The following FBXW11 variants were observed in gnomAD, a reference collection of about 807,000 sequenced individuals.
The protein encoded by FBXW11 is F-box and WD repeat domain containing 11, also known as F-box/WD repeat-containing protein 11.
FBXW11 carries 19 observed loss-of-function variants against 77.6 expected under a neutral mutation model. The ratio of observed to expected loss-of-function variants is 0.24; its 90% CI spans 0.17 to 0.36. The LOEUF (loss-of-function observed/expected upper bound fraction) is 0.36. Among genes scored for constraint, FBXW11 ranks in the 10% least tolerant of loss-of-function variants. The pLI is 1.00. For synonymous variants in FBXW11, 235 were observed against 249.4 expected (o/e 0.94, Z 0.54); for missense variants, 334 against 704.2 (o/e 0.47, Z 5.95).
At chr5:171,934,348 C>A (rs1381549113) in intron 2 of FBXW11, among the ~76,000 whole-genome samples, 2 of 152,000 alleles carry the variant, frequency 1.3e-5, no homozygotes. Context: ...CATTAAAATA[C>A]CCCCAAAACA....
At chr5:171,925,485 GTTTTA>G (rs1017839620) in intron 2 of FBXW11, among the ~76,000 whole-genome samples, 1 of 152,038 alleles carries the variant, frequency 6.6e-6, no homozygotes, top group Non-Finnish European at 1.5e-5. Context: ...TTTTCGTTTT[GTTTTA>G]TTTTGTTTGA....
At chr5:171,942,795 C>T (rs1463826504) in intron 2 of FBXW11, among the ~76,000 whole-genome samples, 1 of 151,870 alleles carries the variant, frequency 6.6e-6, no homozygotes, top group African/African-American at 2.4e-5. Flanking sequence ...GAGTAAGGCC[C>T]TATCTCAAAA....
At chr5:171,913,350 T>C (rs1031487110) in intron 3 of FBXW11, among the ~76,000 whole-genome samples, 1 of 152,200 alleles carries the variant, frequency 6.6e-6, no homozygotes, top group Admixed American at 6.5e-5. Flanking sequence ...GAAAGATAAA[T>C]GAAAGAAAAA....
intron 5 of FBXW11, among the ~76,000 whole-genome samples, 194 bp downstream of exon 5, chr5:171,899,720 C>T (rs1319077995): frequency 2.0e-5 from 3 of 152,118 alleles, no homozygotes; most frequent in Non-Finnish European, 4.4e-5. Flanking sequence ...TAATACAGTT[C>T]ATAAAGGAAA....
chr5:171,980,599 T>C (rs1166783701), intron 1 of FBXW11, among the ~76,000 whole-genome samples: 2 of 152,168 alleles, frequency 1.3e-5, no homozygotes, highest in African/African-American at 2.4e-5. Context: ...AATAGGCACA[T>C]AGAAATGTAA....
rs1757134216 is a variant in FBXW11, at chr5:171,862,204, C to T, written c.*1923G>A. Reference sequence around the variant, plus strand: ...ATGAAAAGTGGTCAAAGCTAAATCACTTTCACAACCACCATCAAGCTTACA... The same window carrying T: ...ATGAAAAGTGGTCAAAGCTAAATCATTTTCACAACCACCATCAAGCTTACA... On this transcript the variant is annotated 3_prime_UTR_variant, in exon 14 of 14. Coordinates refer to ENST00000517395, the MANE Select transcript of FBXW11 (RefSeq NM_001378974.1). The T allele has an allele frequency of 6.6e-6, 1 of 152,488 alleles. No homozygotes were observed. Among genetic ancestry groups the T allele is most frequent in the Non-Finnish European group, 1.5e-5 (1 of 68,044 alleles). The allele number at this position is 152,488 out of a possible 1,614,324, so 9.4% of individuals were successfully genotyped here.
chr5:171,970,382 T>A (rs1467264987), intron 1 of FBXW11, among the ~76,000 whole-genome samples: 1 of 152,220 alleles, frequency 6.6e-6, no homozygotes, highest in African/African-American at 2.4e-5. Flanking sequence ...ACCATGCTTC[T>A]AAGTTTCCTG....
At chr5:171,912,263 C>G (rs1760926422) in intron 3 of FBXW11, among the ~76,000 whole-genome samples, 1 of 152,202 alleles carries the variant, frequency 6.6e-6, no homozygotes, top group Non-Finnish European at 1.5e-5. Flanking sequence ...TAGCGCCCCA[C>G]TGTCGAGGAA....
chr5:171,941,143 G>A (rs1180863880), intron 2 of FBXW11, among the ~76,000 whole-genome samples: 2 of 152,106 alleles, frequency 1.3e-5, no homozygotes, highest in East Asian at 3.8e-4. Flanking sequence ...CAATGAAGAA[G>A]GCTTGATAGA....
intron 6 of FBXW11, among the ~76,000 whole-genome samples, 178 bp downstream of exon 6, chr5:171,898,825 AT>A (rs1407064033): frequency 4.6e-5 from 7 of 152,270 alleles, no homozygotes; most frequent in South Asian, 4.1e-4. Flanking sequence ...AAAAGACATT[AT>A]TTTCTCTGCA....
At chr5:171,884,385 T>C (rs1240874431) in intron 7 of FBXW11, among the ~76,000 whole-genome samples, 7 of 152,230 alleles carry the variant, frequency 4.6e-5, no homozygotes, top group Non-Finnish European at 7.3e-5. Context: ...CTCTATTCTG[T>C]TCCATTGGTC....
chr5:171,920,663 C>A (rs1450140589), intron 2 of FBXW11, among the ~76,000 whole-genome samples: 1 of 152,132 alleles, frequency 6.6e-6, no homozygotes, highest in African/African-American at 2.4e-5. Flanking sequence ...CATGCCAATG[C>A]ACTCCAGCCC....
intron 6 of FBXW11, among the ~76,000 whole-genome samples, chr5:171,898,373 G>A (rs1027094721): frequency 6.6e-6 from 1 of 152,154 alleles, no homozygotes; most frequent in Non-Finnish European, 1.5e-5. Flanking sequence ...AGAAATGCCT[G>A]TGCATGTCTT....
At chr5:171,902,529 C>T (rs1161560238) in intron 4 of FBXW11, among the ~76,000 whole-genome samples, 1 of 152,136 alleles carries the variant, frequency 6.6e-6, no homozygotes, top group Non-Finnish European at 1.5e-5. Flanking sequence ...GCCTTTGAAA[C>T]TCATCTAAGA....
At chr5:171,967,838 T>A (rs1290907295) in intron 1 of FBXW11, among the ~76,000 whole-genome samples, 1 of 111,312 alleles carries the variant, frequency 9.0e-6, no homozygotes, top group African/African-American at 5.3e-5. Context: ...AGACTCTGTC[T>A]CAAAAAAAAA....
At chr5:171,877,675 G>T (rs768281120) in intron 8 of FBXW11, among the ~76,000 whole-genome samples, 12 of 152,062 alleles carry the variant, frequency 7.9e-5, no homozygotes, top group Admixed American at 2.0e-4. Context: ...TCCAGCAGGG[G>T]TGGCGAAAGA....
chr5:171,910,536 C>T, intron 4 of FBXW11, 36 bp downstream of exon 4: 7 of 1,531,466 alleles, frequency 4.6e-6, no homozygotes, highest in Non-Finnish European at 6.3e-6. Flanking sequence ...GGGCATTCTT[C>T]AACTGCTCAG....
intron 1 of FBXW11, chr5:171,977,553 T>C: frequency 8.9e-6 from 4 of 448,744 alleles, no homozygotes; most frequent in Non-Finnish European, 1.3e-5. Context: ...AATACATTTG[T>C]GTATCAGTCC....
intron 6 of FBXW11, among the ~76,000 whole-genome samples, chr5:171,898,647 C>T (rs966180665): frequency 2.0e-5 from 3 of 152,056 alleles, no homozygotes; most frequent in African/African-American, 7.2e-5. Context: ...CTCTAGTTCT[C>T]TAGAGATGGC....
Sources: gnomAD v4.1 joint callset for allele counts (sites outside exome capture counted in the v4.1 genomes callset) on GRCh38, gnomAD v4.1.1 for gene constraint, MANE v1.5 for transcripts, NCBI Gene and HGNC (gene_info 2026-07-23, HGNC 2026-07-21) for gene names.